The following INSL6 variants were observed in gnomAD, a reference collection of about 807,000 sequenced individuals.
The protein encoded by INSL6 is insulin-like peptide INSL6.
INSL6 carries 16 observed loss-of-function variants against 9.4 expected under a neutral mutation model. That is an observed-to-expected ratio of 1.70 (90% CI 1.15 to 2.59). The LOEUF is 2.59. INSL6 is among the 30% of genes most tolerant of loss of function. The pLI is 0.00. For synonymous variants in INSL6, 154 were observed against 96.9 expected (o/e 1.59, Z -3.46); for missense variants, 391 against 257.3 (o/e 1.52, Z -3.56).
chr9:5,014,664 T>C, the INSL6 span, among the ~76,000 whole-genome samples: 33 of 152,328 alleles, frequency 2.2e-4, no homozygotes, highest in South Asian at 5.2e-3. Context: ...TCCAAACTTA[T>C]TGACTGGTAC....
downstream of INSL6, among the ~76,000 whole-genome samples, chr9:5,162,790 A>C (rs1314252700): frequency 6.6e-6 from 1 of 152,240 alleles, no homozygotes; most frequent in African/African-American, 2.4e-5. Context: ...GAATTAACAA[A>C]GCCAAATAGA....
chr9:5,051,740 T>G, the INSL6 span, among the ~76,000 whole-genome samples: 1 of 152,160 alleles, frequency 6.6e-6, no homozygotes, highest in Non-Finnish European at 1.5e-5. Flanking sequence ...GGTTAAAGCT[T>G]CCTTTTTTGA....
chr9:5,075,292 G>T, the INSL6 span, among the ~76,000 whole-genome samples: 1 of 152,214 alleles, frequency 6.6e-6, no homozygotes, highest in African/African-American at 2.4e-5. Flanking sequence ...CTAACAAACA[G>T]ATTTTCAAAT....
At chr9:5,159,410 C>G (rs557283634), downstream of INSL6, among the ~76,000 whole-genome samples, 5 of 151,280 alleles carry the variant, frequency 3.3e-5, no homozygotes, top group African/African-American at 1.2e-4. Context: ...ACAAGAAACA[C>G]GCTTCATGTA....
intron 2 of INSL6, among the ~76,000 whole-genome samples, chr9:5,141,429 T>C (rs890727042): frequency 1.3e-5 from 2 of 152,252 alleles, no homozygotes; most frequent in African/African-American, 4.8e-5. Flanking sequence ...ATCGTAGTTA[T>C]GATTTACGTT....
intron 1 of INSL6, among the ~76,000 whole-genome samples, chr9:5,176,495 T>A (rs1345980312): frequency 6.6e-6 from 1 of 152,116 alleles, no homozygotes; most frequent in Non-Finnish European, 1.5e-5. Context: ...AGGTACCCAA[T>A]GAGTATTTGC....
chr9:5,055,798 C>T, the INSL6 span: 1 of 1,604,614 alleles, frequency 6.2e-7, no homozygotes, highest in Non-Finnish European at 8.5e-7. Context: ...GGTAAGTTTG[C>T]TTTATGATTG....
At chr9:5,173,079 G>A (rs543083051) in intron 1 of INSL6, among the ~76,000 whole-genome samples, 1 of 152,060 alleles carries the variant, frequency 6.6e-6, no homozygotes, top group African/African-American at 2.4e-5. Flanking sequence ...ACTATCTCAC[G>A]ACAGTCAGAA....
chr9:5,027,419 T>C, the INSL6 span, among the ~76,000 whole-genome samples: 1 of 152,232 alleles, frequency 6.6e-6, no homozygotes, highest in African/African-American at 2.4e-5. Context: ...CTCATAATCA[T>C]CTGAGCCTTC....
At chr9:5,123,246 G>A (rs1823754310), downstream of INSL6, 2 of 571,500 alleles carry the variant, frequency 3.5e-6, no homozygotes, top group Non-Finnish European at 6.3e-6. Flanking sequence ...GAGCTTTTAG[G>A]GTATCCACCA....
intron 2 of INSL6, among the ~76,000 whole-genome samples, chr9:5,147,638 T>C (rs1308559369): frequency 6.7e-6 from 1 of 149,004 alleles, no homozygotes; most frequent in African/African-American, 2.5e-5. Context: ...GAATAGACCA[T>C]CTTCAAATAT....
chr9:5,159,252 A>G (rs1408437844), downstream of INSL6, among the ~76,000 whole-genome samples: 1 of 152,186 alleles, frequency 6.6e-6, no homozygotes, highest in African/African-American at 2.4e-5. Context: ...CAAAATAACC[A>G]GAAAATATAT....
At chr9:5,007,487 G>C in the INSL6 span, among the ~76,000 whole-genome samples, 1 of 151,988 alleles carries the variant, frequency 6.6e-6, no homozygotes, top group Non-Finnish European at 1.5e-5. Flanking sequence ...TTCAAATGCA[G>C]AACTTCACAT....
chr9:5,038,204 G>A, the INSL6 span, among the ~76,000 whole-genome samples: 1 of 152,068 alleles, frequency 6.6e-6, no homozygotes, highest in African/African-American at 2.4e-5. Context: ...AAGATGAAAT[G>A]GACAAATTCC....
the INSL6 span, among the ~76,000 whole-genome samples, chr9:5,015,916 A>T: frequency 1.3e-5 from 2 of 152,214 alleles, no homozygotes; most frequent in Admixed American, 1.3e-4. Context: ...AATATCCTGA[A>T]TAAAAATAGA....
chr9:5,009,856 A>T, the INSL6 span, among the ~76,000 whole-genome samples: 1 of 151,550 alleles, frequency 6.6e-6, no homozygotes, highest in African/African-American at 2.4e-5. Flanking sequence ...CTGCAGGCTC[A>T]AACTCATAAG....
chr9:5,166,025 G>A (rs1284712747), intron 1 of INSL6, among the ~76,000 whole-genome samples: 3 of 152,128 alleles, frequency 2.0e-5, no homozygotes, highest in Non-Finnish European at 4.4e-5. Context: ...TGAAAAACAT[G>A]AATCGACCCA....
chr9:5,119,173 G>A (rs1823429440), downstream of INSL6, among the ~76,000 whole-genome samples: 1 of 152,082 alleles, frequency 6.6e-6, no homozygotes, highest in Non-Finnish European at 1.5e-5. Context: ...ATTTGGTAAT[G>A]CCAGGCATCA....
chr9:5,015,647 C>A, the INSL6 span, among the ~76,000 whole-genome samples: 2 of 151,404 alleles, frequency 1.3e-5, no homozygotes. Context: ...CTCAAGTGAT[C>A]CTATTGTTTT....
Sources: allele counts gnomAD v4.1 joint callset (sites outside exome capture counted in the v4.1 genomes callset), GRCh38; gene constraint gnomAD v4.1.1; transcripts MANE v1.5; gene names NCBI Gene and HGNC (gene_info 2026-07-23, HGNC 2026-07-21).